The following CDK14 variants were observed in gnomAD, a reference collection of about 807,000 sequenced individuals.
CDK14 encodes the protein cyclin-dependent kinase 14.
CDK14 carries 34 observed loss-of-function variants against 60.7 expected under a neutral mutation model. The observed-to-expected ratio is 0.56, with a 90% CI of 0.43 to 0.75. The LOEUF (loss-of-function observed/expected upper bound fraction) is 0.75. Among genes scored for constraint, CDK14 ranks in the 30% least tolerant of loss-of-function variants. CDK14 has a pLI of 0.00. For synonymous variants in CDK14, 197 were observed against 203.7 expected, an observed-to-expected ratio of 0.97 and a Z score of 0.28; for missense variants, 482 against 564.1, an observed-to-expected ratio of 0.85 and a Z score of 1.47.
intron 2 of CDK14, among the ~76,000 whole-genome samples, chr7:90,628,305 C>G (rs888172503): frequency 6.6e-6 from 1 of 152,198 alleles, no homozygotes; most frequent in Non-Finnish European, 1.5e-5. Flanking sequence ...CCTTCCCACC[C>G]CAAGATAACT....
At chr7:90,857,409 TTC>T (rs1221452793) in intron 5 of CDK14, among the ~76,000 whole-genome samples, 1 of 152,190 alleles carries the variant, frequency 6.6e-6, no homozygotes, top group African/African-American at 2.4e-5. Context: ...GCAAATGTTT[TTC>T]TGTTTTTGTA....
At chr7:90,648,204 G>T (rs1438315819) in intron 2 of CDK14, among the ~76,000 whole-genome samples, 1 of 152,112 alleles carries the variant, frequency 6.6e-6, no homozygotes, top group Non-Finnish European at 1.5e-5. Flanking sequence ...TTCATTTGAA[G>T]ACTTGACTGG....
At chr7:90,974,081 G>A (rs751891061) in intron 9 of CDK14, among the ~76,000 whole-genome samples, 35 of 152,164 alleles carry the variant, frequency 2.3e-4, no homozygotes, top group African/African-American at 7.7e-4. Context: ...GCATTCCTTC[G>A]CTAGGGTATC....
intron 2 of CDK14, among the ~76,000 whole-genome samples, chr7:90,605,976 T>G (rs1199240386): frequency 6.6e-6 from 1 of 152,238 alleles, no homozygotes; most frequent in Admixed American, 6.5e-5. Flanking sequence ...TCTCTGTTAT[T>G]CTGAAACCTC....
intron 5 of CDK14, among the ~76,000 whole-genome samples, chr7:90,845,075 C>T (rs1790423277): frequency 6.6e-6 from 1 of 152,152 alleles, no homozygotes. Flanking sequence ...GATTGTCTCT[C>T]TCCACCAGAT....
intron 8 of CDK14, among the ~76,000 whole-genome samples, chr7:90,918,405 A>G (rs1793147490): frequency 6.6e-6 from 1 of 152,220 alleles, no homozygotes; most frequent in Non-Finnish European, 1.5e-5. Flanking sequence ...GTCTTCTTCC[A>G]GCATAGAAGC....
chr7:91,141,345 G>A (rs927606610), intron 14 of CDK14, among the ~76,000 whole-genome samples: 1 of 152,138 alleles, frequency 6.6e-6, no homozygotes, highest in Non-Finnish European at 1.5e-5. Context: ...CACCTTCACT[G>A]GCGACTTCAA....
intron 9 of CDK14, among the ~76,000 whole-genome samples, chr7:90,981,036 A>G (rs912422333): frequency 1.3e-5 from 2 of 152,186 alleles, no homozygotes; most frequent in African/African-American, 4.8e-5. Flanking sequence ...ACTGCAGCTT[A>G]TGGTGGGAAA....
intron 2 of CDK14, among the ~76,000 whole-genome samples, chr7:90,616,708 A>G (rs553500576): frequency 1.3e-5 from 2 of 152,346 alleles, no homozygotes; most frequent in East Asian, 3.9e-4. Context: ...GCAAGATACA[A>G]TGCAAATTGT....
chr7:90,714,634 G>T (rs1011182552), intron 2 of CDK14, among the ~76,000 whole-genome samples: 1 of 151,974 alleles, frequency 6.6e-6, no homozygotes, highest in African/African-American at 2.4e-5. Context: ...GCTCTGTGTG[G>T]TTAGTGACCC....
At chr7:90,927,378 A>T (rs976456669) in intron 8 of CDK14, among the ~76,000 whole-genome samples, 22 of 152,298 alleles carry the variant, frequency 1.4e-4, no homozygotes, top group African/African-American at 4.6e-4. Context: ...GGAACTGAGG[A>T]CTAAGACCAA....
intron 4 of CDK14, among the ~76,000 whole-genome samples, chr7:90,775,774 C>T (rs1038506983): frequency 7.3e-5 from 8 of 109,480 alleles, no homozygotes; most frequent in Non-Finnish European, 1.4e-4. Context: ...TTCTCCCCCC[C>T]ACCCTTCTCC....
In CDK14 at chr7:90,852,406, G is replaced by A. The variant is rs77095067; in HGVS notation, c.545-10769G>A. Among the ~76,000 whole-genome samples the A allele has an allele frequency of 8.3e-3, 1,270 of 152,176 alleles. 25 individuals carry two copies. The highest frequency in any genetic ancestry group is 0.027 in the African/African-American group (1,101 of 41,496). On this transcript the variant is annotated intron_variant, in intron 5 of 14. Transcript: ENST00000380050. ...GCGATAAGTCACTCTACCCTTTATA[G>A]GTATGTATTCCTGTCTTGCTTTTAT...
At chr7:91,041,613 A>G (rs1251977869) in intron 10 of CDK14, among the ~76,000 whole-genome samples, 2 of 152,230 alleles carry the variant, frequency 1.3e-5, no homozygotes, top group Non-Finnish European at 2.9e-5. Flanking sequence ...AACAATATGT[A>G]TCTTTACATT....
intron 11 of CDK14, among the ~76,000 whole-genome samples, chr7:91,059,974 C>G (rs1797726353): frequency 6.6e-6 from 1 of 152,084 alleles, no homozygotes; most frequent in Non-Finnish European, 1.5e-5. Flanking sequence ...AACTTTCTGT[C>G]TCGTGGATCT....
chr7:91,103,361 A>G lies in CDK14; in HGVS notation c.1155-9181A>G, dbSNP rs556558696. 2.0e-5 allele frequency among the ~76,000 whole-genome samples: 3 copies of G among 152,114 alleles called. No homozygotes were observed. In the South Asian group the frequency reaches 6.2e-4, roughly 32 times the overall value. ...CCACCATTTTTGTCCTCCACTTTCCATTCCATCTTTTCAACTTTGATGGTA... is the reference window on the plus strand; with the variant it reads ...CCACCATTTTTGTCCTCCACTTTCCGTTCCATCTTTTCAACTTTGATGGTA... On this transcript the variant is annotated intron_variant, in intron 12 of 14. Transcript: ENST00000380050.
At chr7:90,779,799 A>G (rs1220255750) in intron 4 of CDK14, among the ~76,000 whole-genome samples, 1 of 152,224 alleles carries the variant, frequency 6.6e-6, no homozygotes, top group African/African-American at 2.4e-5. Context: ...ACACATGACA[A>G]TACTATATGA....
intron 14 of CDK14, among the ~76,000 whole-genome samples, chr7:91,131,634 C>A (rs1800120810): frequency 6.6e-6 from 1 of 152,062 alleles, no homozygotes; most frequent in Admixed American, 6.6e-5. Context: ...AGTTAAGAAC[C>A]CTGAGATGTT....
chr7:90,624,862 G>C (rs1000915641), intron 2 of CDK14, among the ~76,000 whole-genome samples: 1 of 152,254 alleles, frequency 6.6e-6, no homozygotes, highest in East Asian at 1.9e-4. Flanking sequence ...CCAGCTGCTT[G>C]GTGTCATAAA....
Sources: gnomAD v4.1 joint callset for allele counts (sites outside exome capture counted in the v4.1 genomes callset) on GRCh38, gnomAD v4.1.1 for gene constraint, MANE v1.5 for transcripts, NCBI Gene and HGNC (gene_info 2026-07-23, HGNC 2026-07-21) for gene names.